The following CNGA1 variants were observed in gnomAD, a reference collection of about 807,000 sequenced individuals.
The protein encoded by CNGA1 is cyclic nucleotide-gated channel alpha-1.
CNGA1 carries 53 observed loss-of-function variants against 69.7 expected under a neutral mutation model. That is an observed-to-expected ratio of 0.76 (90% CI 0.61 to 0.96). The LOEUF is 0.96. CNGA1 is among the 40% of genes least tolerant of loss of function. The probability of loss-of-function intolerance (pLI) is 0.00; values close to 1 mark genes in which losing one functional copy is unlikely to be tolerated. For synonymous variants in CNGA1, 249 were observed against 283.5 expected (o/e 0.88, Z 1.22); for missense variants, 739 against 811.2 (o/e 0.91, Z 1.08).
intron 3 of CNGA1, among the ~76,000 whole-genome samples, chr4:47,962,329 G>A (rs1409752608): frequency 2.9e-5 from 4 of 135,644 alleles, no homozygotes; most frequent in African/African-American, 1.1e-4. Flanking sequence ...TGGCAACAGA[G>A]CGAGACTCTG....
rs537529754 is a variant in CNGA1, at chr4:47,987,783, G to A, written c.-122-6283C>T. Among the ~76,000 whole-genome samples the A allele has an allele frequency of 2.2e-3, 328 of 152,292 alleles. 1 individual carries two copies. The highest frequency in any genetic ancestry group is 7.5e-3 in the African/African-American group (310 of 41,568). On this transcript the variant is annotated intron_variant, in intron 2 of 10. Transcript: ENST00000514170. ...AGGACTATCTTAGATGGGGTTTTCAGGAAAGGCCTCATTTAGCAGAGACCT... is the reference window on the plus strand; with the variant it reads ...AGGACTATCTTAGATGGGGTTTTCAAGAAAGGCCTCATTTAGCAGAGACCT...
intron 3 of CNGA1, among the ~76,000 whole-genome samples, chr4:47,979,001 C>G (rs1441308828): frequency 1.3e-5 from 2 of 152,090 alleles, no homozygotes; most frequent in African/African-American, 2.4e-5. Context: ...CCCAGACTAT[C>G]AAGTAGCTAT....
chr4:47,973,199 C>T (rs1294831243), intron 3 of CNGA1, among the ~76,000 whole-genome samples: 1 of 150,686 alleles, frequency 6.6e-6, no homozygotes, highest in Admixed American at 6.6e-5. Context: ...TCCCAAGTAC[C>T]TGGGATTAAA....
intron 3 of CNGA1, among the ~76,000 whole-genome samples, chr4:47,975,786 A>C (rs1741317811): frequency 6.6e-6 from 1 of 152,140 alleles, no homozygotes; most frequent in African/African-American, 2.4e-5. Context: ...GTTTACTTTA[A>C]AACCAATATG....
chr4:47,950,981 G>C (rs1265222516), intron 5 of CNGA1, among the ~76,000 whole-genome samples: 2 of 152,202 alleles, frequency 1.3e-5, no homozygotes, highest in Non-Finnish European at 2.9e-5. Flanking sequence ...TTTCTTAAGG[G>C]ACAGACCCCA....
In CNGA1 at chr4:47,936,833, C is replaced by T; in HGVS notation, c.1649G>A (p.Gly550Glu). Residue 550 changes from glycine to glutamate, a missense_variant, in exon 11 of 11, where the codon GGG (glycine) becomes GAG (glutamate). Physicochemically the swap from Gly to Glu is moderately conservative, Grantham distance 98. Coordinates refer to ENST00000514170, the MANE Select transcript of CNGA1 (RefSeq NM_001379270.1). Reference protein sequence around the residue: ...FGEISILNIKGSKAGNRRTAN... With the variant: ...FGEISILNIKESKAGNRRTAN... ...CGTTCTTCGATTGCCAGCTTTGCTC[C>T]CTTTAATGTTAAGAATGCTGATCTC... 6.2e-7 allele frequency: 1 copy of T among 1,614,090 alleles called. No homozygotes were observed. The highest frequency in any genetic ancestry group is 8.5e-7 in the Non-Finnish European group (1 of 1,180,036).
Position 47,947,626 on chromosome 4 carries a change from C to G in CNGA1, c.287+2207G>C, listed in dbSNP as rs1379633290. ...TGGAGGCTGCAGTGAGCCAAGATTGCACCACTGCGCTCCAGCACAGGCAAC... is the reference window on the plus strand; with the variant it reads ...TGGAGGCTGCAGTGAGCCAAGATTGGACCACTGCGCTCCAGCACAGGCAAC... On this transcript the variant is annotated intron_variant, in intron 6 of 10. Transcript: ENST00000514170. Among the ~76,000 whole-genome samples, 7 of 152,064 alleles carry G rather than the reference C, an allele frequency of 4.6e-5. No individual in the cohort carries two copies. In the East Asian group the frequency reaches 1.4e-3, roughly 29 times the overall value.
At chr4:47,942,334 G>C (rs1482848577) in intron 8 of CNGA1, among the ~76,000 whole-genome samples, 186 bp from the exon 9 acceptor site, 1 of 150,726 alleles carries the variant, frequency 6.6e-6, no homozygotes, top group African/African-American at 2.4e-5. Context: ...GGTTAGTGAG[G>C]GGTGGATAGA....
chr4:48,016,411 G>C (rs1193808901), intron 1 of CNGA1, 72 bp downstream of exon 1: 17 of 195,976 alleles, frequency 8.7e-5, no homozygotes, highest in Non-Finnish European at 2.1e-5. Context: ...TAGCGGGGGA[G>C]CCTTTTCGAC....
chr4:47,946,010 C>T (rs948343535), intron 6 of CNGA1, among the ~76,000 whole-genome samples: 20 of 152,164 alleles, frequency 1.3e-4, no homozygotes, highest in African/African-American at 4.8e-4. Context: ...AGTTGGTCAT[C>T]GGCACAACTC....
intron 3 of CNGA1, among the ~76,000 whole-genome samples, chr4:47,963,181 C>T (rs571558209): frequency 7.2e-5 from 11 of 152,326 alleles, no homozygotes; most frequent in South Asian, 4.1e-4. Context: ...GAACTCCAGA[C>T]GTCAAATGAT....
intron 2 of CNGA1, among the ~76,000 whole-genome samples, chr4:48,008,949 C>G (rs1715034049): frequency 6.6e-6 from 1 of 152,148 alleles, no homozygotes; most frequent in African/African-American, 2.4e-5. Context: ...TAGCTGTTTT[C>G]ATTAAACCAA....
chr4:47,961,906 A>G (rs560933665), intron 3 of CNGA1, among the ~76,000 whole-genome samples: 1 of 152,304 alleles, frequency 6.6e-6, no homozygotes, highest in Non-Finnish European at 1.5e-5. Context: ...CAACTTGACT[A>G]TGCGAACCTT....
At chr4:47,947,331 C>T (rs958490879) in intron 6 of CNGA1, among the ~76,000 whole-genome samples, 1 of 152,044 alleles carries the variant, frequency 6.6e-6, no homozygotes, top group African/African-American at 2.4e-5. Context: ...GTTAATTTCC[C>T]CAATGGCACA....
intron 3 of CNGA1, chr4:47,958,912 T>C (rs1263181790): frequency 6.6e-6 from 1 of 152,248 alleles, no homozygotes; most frequent in Non-Finnish European, 1.5e-5. Context: ...ATTTCATTTT[T>C]CATTTAAGTA....
intron 3 of CNGA1, among the ~76,000 whole-genome samples, chr4:47,979,759 T>C (rs984095063): frequency 2.6e-5 from 4 of 152,198 alleles, no homozygotes; most frequent in Non-Finnish European, 2.9e-5. Flanking sequence ...CATTTGTTTT[T>C]CTACAAAATA....
intron 6 of CNGA1, among the ~76,000 whole-genome samples, chr4:47,945,952 T>A (rs1332925593): frequency 6.6e-6 from 1 of 151,732 alleles, no homozygotes. Flanking sequence ...TTCCTAAATG[T>A]ATAAGTGTAA....
Position 47,942,132 on chromosome 4 carries a change from C to G in CNGA1, c.454G>C (p.Val152Leu). ...GTGTTTCCCGAGGGATCAATAACCA[C>G]AACTTCTTTCTTCTCCCTAGCGGCA... is the stretch of plus-strand genomic sequence containing the variant. ...DKKEEEKKEV[V>L]VIDPSGNTYY... The change falls in exon 9 of 11, where the codon GTG becomes CTG. Residue 152 changes from valine to leucine, a missense_variant. Transcript: ENST00000514170. The G allele has an allele frequency of 6.2e-7, 1 of 1,611,816 alleles. No homozygotes were observed. The highest frequency in any genetic ancestry group is 8.5e-7 in the Non-Finnish European group (1 of 1,178,026).
intron 4 of CNGA1, among the ~76,000 whole-genome samples, chr4:47,952,097 T>TCATG (rs566873260): frequency 7.0e-4 from 107 of 152,290 alleles, no homozygotes; most frequent in Non-Finnish European, 1.3e-3. Flanking sequence ...GCATGGTGGC[T>TCATG]CATGCCTGTA....
Sources: allele counts gnomAD v4.1 joint callset (sites outside exome capture counted in the v4.1 genomes callset), GRCh38; gene constraint gnomAD v4.1.1; transcripts MANE v1.5; gene names NCBI Gene and HGNC (gene_info 2026-07-23, HGNC 2026-07-21).